Variants in KRTAP23-1 observed in about 807,000 individuals in gnomAD.
KRTAP23-1 encodes keratin associated protein 23-1.
For missense variants in KRTAP23-1, 70 were observed against 72.7 expected (o/e 0.96, Z 0.13); for synonymous variants, 37 against 33.7 (o/e 1.10, Z -0.34).
At position 30,348,477 on chromosome 21, in the gene KRTAP23-1, A is replaced by T; in HGVS notation, c.130T>A (p.Ser44Thr). 6.2e-7 allele frequency: 1 copy of T among 1,614,118 alleles called. No homozygotes were observed. ...NLVYSTEPLISQHLPAGFLSL... is the reference protein window; with the variant it reads ...NLVYSTEPLITQHLPAGFLSL... ...AGGAACCCAGCTGGCAGGTGCTGGG[A>T]GATCAAAGGTTCAGTGCTGTAGACC... Residue 44 changes from serine (S) to threonine (T), a missense_variant, in exon 1 of 1, where the codon TCC (serine) becomes ACC (threonine). Ser to Thr is a moderately conservative substitution (Grantham distance 58). Coordinates refer to ENST00000334160, the MANE Select transcript of KRTAP23-1 (RefSeq NM_181624.1).
rs781256156 is a variant in KRTAP23-1, at chr21:30,348,462, C to T, written c.145G>A (p.Ala49Thr). 2.5e-6 allele frequency: 4 copies of T among 1,614,164 alleles called. No homozygotes were observed. Among genetic ancestry groups the T allele is most frequent in the Non-Finnish European group, 2.5e-6 (3 of 1,179,998 alleles). ...AGCCCTTGCAGAGAGAGGAACCCAG[C>T]TGGCAGGTGCTGGGAGATCAAAGGT... ...TEPLISQHLP[A>T]GFLSLQGLSG... Residue 49 changes from alanine to threonine, a missense_variant, in exon 1 of 1, where the codon GCT (alanine) becomes ACT (threonine). Ala to Thr is a moderately conservative substitution (Grantham distance 58, BLOSUM62 0). Transcript: ENST00000334160.
In KRTAP23-1 at chr21:30,348,430, T is replaced by G. The variant is rs780650162; in HGVS notation, c.177A>C (p.Gly59=). 6.8e-6 allele frequency: 11 copies of G among 1,613,922 alleles called. No individual in the cohort carries two copies. The highest frequency in any genetic ancestry group is 1.3e-5 in the African/African-American group (1 of 74,902). The change falls in exon 1 of 1, where the codon GGA becomes GGC. Residue 59 remains glycine, a synonymous_variant. Transcript: ENST00000334160. The part of the protein sequence containing the change: ...AGFLSLQGLS[G]DLLGNP ...GCAGCTAGGGGTTTCCCAGCAAGTC[T>G]CCTGAAAGCCCTTGCAGAGAGAGGA...
In KRTAP23-1 at chr21:30,348,459, C is replaced by G. The variant is rs755141595; in HGVS notation, c.148G>C (p.Gly50Arg). ...EPLISQHLPA[G>R]FLSLQGLSGD... is the part of the protein sequence containing the mutation. Reference sequence around the variant, plus strand: ...GAAAGCCCTTGCAGAGAGAGGAACCCAGCTGGCAGGTGCTGGGAGATCAAA... The same window carrying G: ...GAAAGCCCTTGCAGAGAGAGGAACCGAGCTGGCAGGTGCTGGGAGATCAAA... Residue 50 changes from glycine (G) to arginine (R), a missense_variant, in exon 1 of 1, where the codon GGG becomes CGG. Physicochemically the swap from Gly to Arg is moderately radical, Grantham distance 125. Coordinates refer to ENST00000334160, the MANE Select transcript of KRTAP23-1 (RefSeq NM_181624.1). 4 of 1,614,020 alleles carry G rather than the reference C, an allele frequency of 2.5e-6. No homozygotes were observed. In the East Asian group the frequency reaches 8.9e-5, roughly 36 times the overall value.
rs1982314844 is a variant in KRTAP23-1 at position 30,348,464 on chromosome 21, G to A, written c.143C>T (p.Pro48Leu). 1 of 1,614,060 alleles carries A rather than the reference G, an allele frequency of 6.2e-7. No homozygotes were observed. The highest frequency in any genetic ancestry group is 1.3e-5 in the African/African-American group (1 of 74,936). ...STEPLISQHL[P>L]AGFLSLQGLS... is the part of the protein sequence containing the mutation. ...CCCTTGCAGAGAGAGGAACCCAGCT[G>A]GCAGGTGCTGGGAGATCAAAGGTTC... The change falls in exon 1 of 1, where the codon CCA (proline) becomes CTA (leucine). Residue 48 changes from proline to leucine, a missense_variant. Pro to Leu is a moderately conservative substitution (Grantham distance 98). Transcript: ENST00000334160.
rs758966608 is a variant in KRTAP23-1 at position 30,348,495 on chromosome 21, T to C, written c.112A>G (p.Ser38Gly). 6.2e-7 allele frequency: 1 copy of C among 1,614,166 alleles called. No individual in the cohort carries two copies. The highest frequency in any genetic ancestry group is 8.5e-7 in the Non-Finnish European group (1 of 1,180,010). ...TGCTGGGAGATCAAAGGTTCAGTGC[T>C]GTAGACCAGGTTGCTGGGGTACGAG... is the stretch of plus-strand genomic sequence containing the variant. ...GSSYPSNLVYSTEPLISQHLP... is the reference protein window; with the variant it reads ...GSSYPSNLVYGTEPLISQHLP... Residue 38 changes from serine (S) to glycine (G), a missense_variant, in exon 1 of 1, where the codon AGC becomes GGC. Coordinates refer to ENST00000334160, the MANE Select transcript of KRTAP23-1 (RefSeq NM_181624.1).
chr21:30,348,540 C>A lies in KRTAP23-1; in HGVS notation c.67G>T (p.Gly23Cys), dbSNP rs749027333. ...HSCEGYLCYS[G>C]YSRGGSSYPS... The stretch of plus-strand genomic sequence containing the variant: ...TACGAGGAGCCACCACGGGAGTAGC[C>A]TGAGTAGCACAGGTAGCCCTCACAG... Residue 23 changes from glycine to cysteine, a missense_variant, in exon 1 of 1, where the codon GGC becomes TGC. By Grantham distance (159) the Gly-to-Cys change is radical. Transcript: ENST00000334160. The A allele has an allele frequency of 2.5e-6, 4 of 1,614,088 alleles. No individual in the cohort carries two copies. Among genetic ancestry groups the A allele is most frequent in the Non-Finnish European group, 3.4e-6 (4 of 1,180,004 alleles).
Position 30,348,511 on chromosome 21 carries a change from G to A in KRTAP23-1, c.96C>T (p.Pro32=). ...SGYSRGGSSY[P]SNLVYSTEPL... ...GTTCAGTGCTGTAGACCAGGTTGCT[G>A]GGGTACGAGGAGCCACCACGGGAGT... The change falls in exon 1 of 1, where the codon CCC becomes CCT. Residue 32 remains proline (P), a synonymous_variant. Transcript: ENST00000334160. 6.2e-7 allele frequency: 1 copy of A among 1,614,130 alleles called. No individual in the cohort carries two copies. Among genetic ancestry groups the A allele is most frequent in the Admixed American group, 1.7e-5 (1 of 60,022 alleles).
chr21:30,348,510 T>C lies in KRTAP23-1; in HGVS notation c.97A>G (p.Ser33Gly). The stretch of plus-strand genomic sequence containing the variant: ...GGTTCAGTGCTGTAGACCAGGTTGC[T>C]GGGGTACGAGGAGCCACCACGGGAG... ...GYSRGGSSYP[S>G]NLVYSTEPLI... Residue 33 changes from serine (S) to glycine (G), a missense_variant, in exon 1 of 1, where the codon AGC (serine) becomes GGC (glycine). By Grantham distance (56) the Ser-to-Gly change is moderately conservative. Coordinates refer to ENST00000334160, the MANE Select transcript of KRTAP23-1 (RefSeq NM_181624.1). The C allele has an allele frequency of 6.2e-7, 1 of 1,614,080 alleles. No individual in the cohort carries two copies. Among genetic ancestry groups the C allele is most frequent in the Non-Finnish European group, 8.5e-7 (1 of 1,179,992 alleles).
chr21:30,348,531 G>C lies in KRTAP23-1; in HGVS notation c.76C>G (p.Arg26Gly), dbSNP rs372253638. 6.2e-7 allele frequency: 1 copy of C among 1,614,102 alleles called. No homozygotes were observed. Among genetic ancestry groups the C allele is most frequent in the South Asian group, 1.1e-5 (1 of 91,074 alleles). Residue 26 changes from arginine (R) to glycine (G), a missense_variant, in exon 1 of 1, where the codon CGT (arginine) becomes GGT (glycine). Arg to Gly is a moderately radical substitution (Grantham distance 125). Transcript: ENST00000334160. ...TTGCTGGGGTACGAGGAGCCACCACGGGAGTAGCCTGAGTAGCACAGGTAG... is the reference window on the plus strand; with the variant it reads ...TTGCTGGGGTACGAGGAGCCACCACCGGAGTAGCCTGAGTAGCACAGGTAG... ...EGYLCYSGYS[R>G]GGSSYPSNLV... is the part of the protein sequence containing the mutation.
rs777160169 is a variant in KRTAP23-1, at chr21:30,348,403, T to C, written c.*6A>G. The C allele has an allele frequency of 1.9e-6, 3 of 1,614,096 alleles. No homozygotes were observed. The highest frequency in any genetic ancestry group is 2.5e-6 in the Non-Finnish European group (3 of 1,179,980). ...GGGGCTGGACTCCACACAGGACATC[T>C]GGCAGCTAGGGGTTTCCCAGCAAGT... On this transcript the variant is annotated 3_prime_UTR_variant, in exon 1 of 1. Transcript: ENST00000334160.
In KRTAP23-1 at chr21:30,348,517, C is replaced by A. The variant is rs760011736; in HGVS notation, c.90G>T (p.Ser30=). The change falls in exon 1 of 1, where the codon TCG becomes TCT. Residue 30 remains serine (S), a synonymous_variant. Coordinates refer to ENST00000334160, the MANE Select transcript of KRTAP23-1 (RefSeq NM_181624.1). ...TGCTGTAGACCAGGTTGCTGGGGTACGAGGAGCCACCACGGGAGTAGCCTG... is the reference window on the plus strand; with the variant it reads ...TGCTGTAGACCAGGTTGCTGGGGTAAGAGGAGCCACCACGGGAGTAGCCTG... ...CYSGYSRGGS[S]YPSNLVYSTE... is the part of the protein sequence containing the mutation. 3 of 1,614,074 alleles carry A rather than the reference C, an allele frequency of 1.9e-6. No homozygotes were observed. The Admixed American group carries it at 5.0e-5, about 27-fold the overall frequency.
In KRTAP23-1 at chr21:30,348,545, T is replaced by A. The variant is rs770828891; in HGVS notation, c.62A>T (p.Tyr21Phe). Reference sequence around the variant, plus strand: ...GGAGCCACCACGGGAGTAGCCTGAGTAGCACAGGTAGCCCTCACAGGAATG... The same window carrying A: ...GGAGCCACCACGGGAGTAGCCTGAGAAGCACAGGTAGCCCTCACAGGAATG... ...SSHSCEGYLC[Y>F]SGYSRGGSSY... The change falls in exon 1 of 1, where the codon TAC becomes TTC. Residue 21 changes from tyrosine to phenylalanine, a missense_variant. By Grantham distance (22) the Tyr-to-Phe change is conservative. Coordinates refer to ENST00000334160, the MANE Select transcript of KRTAP23-1 (RefSeq NM_181624.1). 1.2e-6 allele frequency: 2 copies of A among 1,613,968 alleles called. No individual in the cohort carries two copies. Among genetic ancestry groups the A allele is most frequent in the Admixed American group, 1.7e-5 (1 of 60,014 alleles).
rs1982313740 is a variant in KRTAP23-1, at chr21:30,348,427, G to A, written c.180C>T (p.Asp60=). 3.1e-6 allele frequency: 5 copies of A among 1,614,126 alleles called. No homozygotes were observed. Among genetic ancestry groups the A allele is most frequent in the Middle Eastern group, 1.6e-4 (1 of 6,062 alleles). ...CTGGCAGCTAGGGGTTTCCCAGCAAGTCTCCTGAAAGCCCTTGCAGAGAGA... is the reference window on the plus strand; with the variant it reads ...CTGGCAGCTAGGGGTTTCCCAGCAAATCTCCTGAAAGCCCTTGCAGAGAGA... The part of the protein sequence containing the change: ...GFLSLQGLSG[D]LLGNP The change falls in exon 1 of 1, where the codon GAC becomes GAT. Residue 60 remains aspartate, a synonymous_variant. Coordinates refer to ENST00000334160, the MANE Select transcript of KRTAP23-1 (RefSeq NM_181624.1).
rs776482166 is a variant in KRTAP23-1 at position 30,348,571 on chromosome 21, G to A, written c.36C>T (p.Ser12=). ...AGCACAGGTAGCCCTCACAGGAATGGGAGGAGAAGTTTCCACAGCAGCAGT... is the reference window on the plus strand; with the variant it reads ...AGCACAGGTAGCCCTCACAGGAATGAGAGGAGAAGTTTCCACAGCAGCAGT... ...SYNCCCGNFS[S]HSCEGYLCYS... Residue 12 remains serine (S), a synonymous_variant, in exon 1 of 1, where the codon TCC becomes TCT. Coordinates refer to ENST00000334160, the MANE Select transcript of KRTAP23-1 (RefSeq NM_181624.1). 3 of 1,613,942 alleles carry A rather than the reference G, an allele frequency of 1.9e-6. No homozygotes were observed. The East Asian group carries it at 6.7e-5, about 36-fold the overall frequency.
Position 30,348,479 on chromosome 21 carries a change from A to T in KRTAP23-1, c.128T>A (p.Ile43Asn). ...SNLVYSTEPLISQHLPAGFLS... is the reference protein window; with the variant it reads ...SNLVYSTEPLNSQHLPAGFLS... ...GAACCCAGCTGGCAGGTGCTGGGAG[A>T]TCAAAGGTTCAGTGCTGTAGACCAG... Residue 43 changes from isoleucine to asparagine, a missense_variant, in exon 1 of 1, where the codon ATC (isoleucine) becomes AAC (asparagine). Ile to Asn is a moderately radical substitution (Grantham distance 149). Coordinates refer to ENST00000334160, the MANE Select transcript of KRTAP23-1 (RefSeq NM_181624.1). 6.2e-7 allele frequency: 1 copy of T among 1,614,136 alleles called. No homozygotes were observed. Among genetic ancestry groups the T allele is most frequent in the Non-Finnish European group, 8.5e-7 (1 of 1,180,000 alleles).
chr21:30,348,414 G>A lies in KRTAP23-1; in HGVS notation c.193C>T (p.Pro65Ser), dbSNP rs1453878212. 4.3e-6 allele frequency: 7 copies of A among 1,613,976 alleles called. No homozygotes were observed. Among genetic ancestry groups the A allele is most frequent in the Admixed American group, 3.3e-5 (2 of 59,998 alleles). The change falls in exon 1 of 1, where the codon CCC (proline) becomes TCC (serine). Residue 65 changes from proline (P) to serine (S), a missense_variant. Coordinates refer to ENST00000334160, the MANE Select transcript of KRTAP23-1 (RefSeq NM_181624.1). ...QGLSGDLLGN[P>S] Reference sequence around the variant, plus strand: ...CCACACAGGACATCTGGCAGCTAGGGGTTTCCCAGCAAGTCTCCTGAAAGC... The same window carrying A: ...CCACACAGGACATCTGGCAGCTAGGAGTTTCCCAGCAAGTCTCCTGAAAGC...
chr21:30,348,559 C>T lies in KRTAP23-1; in HGVS notation c.48G>A (p.Glu16=). 6.2e-7 allele frequency: 1 copy of T among 1,614,106 alleles called. No individual in the cohort carries two copies. The highest frequency in any genetic ancestry group is 8.5e-7 in the Non-Finnish European group (1 of 1,180,006). Residue 16 remains glutamate, a synonymous_variant, in exon 1 of 1, where the codon GAG becomes GAA. Coordinates refer to ENST00000334160, the MANE Select transcript of KRTAP23-1 (RefSeq NM_181624.1). ...AGTAGCCTGAGTAGCACAGGTAGCC[C>T]TCACAGGAATGGGAGGAGAAGTTTC... ...CCGNFSSHSC[E]GYLCYSGYSR...
Position 30,348,471 on chromosome 21 carries a change from G to A in KRTAP23-1, c.136C>T (p.His46Tyr). 2 of 1,614,198 alleles carry A rather than the reference G, an allele frequency of 1.2e-6. No individual in the cohort carries two copies. Among genetic ancestry groups the A allele is most frequent in the Non-Finnish European group, 1.7e-6 (2 of 1,180,018 alleles). ...VYSTEPLISQ[H>Y]LPAGFLSLQG... ...AGAGAGAGGAACCCAGCTGGCAGGTGCTGGGAGATCAAAGGTTCAGTGCTG... is the reference window on the plus strand; with the variant it reads ...AGAGAGAGGAACCCAGCTGGCAGGTACTGGGAGATCAAAGGTTCAGTGCTG... Residue 46 changes from histidine (H) to tyrosine (Y), a missense_variant, in exon 1 of 1, where the codon CAC (histidine) becomes TAC (tyrosine). His to Tyr is a moderately conservative substitution (Grantham distance 83). Transcript: ENST00000334160.
rs751568322 is a variant in KRTAP23-1 at position 30,348,457 on chromosome 21, C to T, written c.150G>A (p.Gly50=). Residue 50 remains glycine, a synonymous_variant, in exon 1 of 1, where the codon GGG becomes GGA. Coordinates refer to ENST00000334160, the MANE Select transcript of KRTAP23-1 (RefSeq NM_181624.1). ...EPLISQHLPA[G]FLSLQGLSGD... ...CTGAAAGCCCTTGCAGAGAGAGGAA[C>T]CCAGCTGGCAGGTGCTGGGAGATCA... is the stretch of plus-strand genomic sequence containing the variant. The T allele has an allele frequency of 1.4e-5, 22 of 1,614,142 alleles. No homozygotes were observed. Among genetic ancestry groups the T allele is most frequent in the Non-Finnish European group, 1.9e-5 (22 of 1,180,000 alleles).
Sources: gnomAD v4.1 joint callset for allele counts on GRCh38, gnomAD v4.1.1 for gene constraint, MANE v1.5 for transcripts, NCBI Gene and HGNC (gene_info 2026-07-23, HGNC 2026-07-21) for gene names.